ATP8B4: variants seen among roughly 807,000 people sequenced by gnomAD.
ATP8B4 encodes the protein ATPase phospholipid transporting 8B4 (putative).
ATP8B4 carries 133 observed loss-of-function variants against 145.6 expected under a neutral mutation model. That is an observed-to-expected ratio of 0.91 (90% CI 0.79 to 1.05). The LOEUF (loss-of-function observed/expected upper bound fraction) is 1.05, where lower values mean the gene tolerates loss of function less well. Among genes scored for constraint, ATP8B4 ranks in the 50% least tolerant of loss-of-function variants. The probability of loss-of-function intolerance (pLI) is 0.00; values close to 1 mark genes in which losing one functional copy is unlikely to be tolerated. For synonymous variants in ATP8B4, 507 were observed against 492.9 expected, an observed-to-expected ratio of 1.03 and a Z score of -0.38; for missense variants, 1,458 against 1,425.2, an observed-to-expected ratio of 1.02 and a Z score of -0.37.
At chr15:50,110,323 G>A (rs1025792838) in intron 1 of ATP8B4, among the ~76,000 whole-genome samples, 9 of 152,114 alleles carry the variant, frequency 5.9e-5, no homozygotes, top group Admixed American at 2.6e-4. Context: ...TATACTTTAC[G>A]GAGGACTCAT....
chr15:50,006,973 A>T (rs1168197512), intron 7 of ATP8B4, among the ~76,000 whole-genome samples: 1 of 151,858 alleles, frequency 6.6e-6, no homozygotes, highest in Non-Finnish European at 1.5e-5. Flanking sequence ...TGCAAGTCAG[A>T]CTCCTTGTGG....
rs530494562 is a variant in ATP8B4 at position 50,030,117 on chromosome 15, T to A, written c.362+8651A>T. ...TTTTAGCTTTCAGATTTTAAGATCC[T>A]AAGAAAACTTTATATTTTTAAAATT... On this transcript the variant is annotated intron_variant, in intron 6 of 27. Coordinates refer to ENST00000284509, the MANE Select transcript of ATP8B4 (RefSeq NM_024837.4). 1.6e-4 allele frequency among the ~76,000 whole-genome samples: 24 copies of A among 152,302 alleles called. No homozygotes were observed. The East Asian group carries it at 4.4e-3, about 28-fold the overall frequency.
intron 20 of ATP8B4, among the ~76,000 whole-genome samples, chr15:49,905,951 CAT>C (rs202139678): frequency 2.0e-5 from 3 of 148,930 alleles, no homozygotes; most frequent in African/African-American, 5.2e-5. Flanking sequence ...TATGTACCTA[CAT>C]ATATATACAC....
At chr15:50,119,778 T>G (rs2057246383), upstream of ATP8B4, among the ~76,000 whole-genome samples, 2 of 118,370 alleles carry the variant, frequency 1.7e-5, no homozygotes, top group South Asian at 5.4e-4. Flanking sequence ...TTTTTTTTTT[T>G]TACAGGGGAA....
At chr15:50,156,724 A>T (rs11853762) in intron 1 of ATP8B4, among the ~76,000 whole-genome samples, 100,461 of 152,054 alleles carry the variant, frequency 0.66, 33,514 homozygotes, top group East Asian at 0.94. Flanking sequence ...TAAATGTGCA[A>T]GAGAATGGAT....
chr15:50,151,622 A>G (rs1289919770), intron 1 of ATP8B4, among the ~76,000 whole-genome samples: 2 of 152,008 alleles, frequency 1.3e-5, no homozygotes, highest in Admixed American at 6.6e-5. Context: ...GTAGTGGCAC[A>G]TGCCTGTAGT....
chr15:50,030,714 A>G (rs2050369667), intron 6 of ATP8B4, among the ~76,000 whole-genome samples: 1 of 152,212 alleles, frequency 6.6e-6, no homozygotes, highest in Admixed American at 6.5e-5. Flanking sequence ...AAGAAGAGAA[A>G]AAGAGAACAG....
chr15:50,051,341 A>G (rs117753995), intron 3 of ATP8B4, among the ~76,000 whole-genome samples: 10,333 of 152,198 alleles, frequency 0.068, 404 homozygotes, highest in Non-Finnish European at 0.091. Context: ...TCTTTTCTTT[A>G]TAAGTTACCC....
rs183236846 is a variant in ATP8B4 at position 49,968,770 on chromosome 15, G to A, written c.1243+3812C>T. 7.7e-4 allele frequency among the ~76,000 whole-genome samples: 117 copies of A among 152,152 alleles called. 1 individual carries two copies. Among genetic ancestry groups the A allele is most frequent in the Middle Eastern group, 6.8e-3 (2 of 294 alleles). On this transcript the variant is annotated intron_variant, in intron 13 of 27. Transcript: ENST00000284509. ...ACTTGAACTCAACTCTGGACCAAGC[G>A]GACCTAATAGACATCTACAGAACTC...
intron 25 of ATP8B4, among the ~76,000 whole-genome samples, chr15:49,874,472 A>G (rs1205374117): frequency 6.6e-6 from 1 of 152,178 alleles, no homozygotes. Context: ...AGGGATGGCT[A>G]GGACCACTAT....
At chr15:49,992,897 C>T (rs12914620) in intron 9 of ATP8B4, among the ~76,000 whole-genome samples, 42,866 of 151,974 alleles carry the variant, frequency 0.28, 6,578 homozygotes, top group East Asian at 0.57. Flanking sequence ...CATTGCCAAA[C>T]ATATACAATG....
At chr15:49,907,100 AC>A (rs1186743588) in intron 20 of ATP8B4, among the ~76,000 whole-genome samples, 1 of 152,140 alleles carries the variant, frequency 6.6e-6, no homozygotes, top group Admixed American at 6.5e-5. Context: ...GCCAACAACA[AC>A]CCTAAGAGAG....
At chr15:49,927,532 A>T (rs963141143) in intron 16 of ATP8B4, among the ~76,000 whole-genome samples, 2 of 152,120 alleles carry the variant, frequency 1.3e-5, no homozygotes, top group Admixed American at 1.3e-4. Context: ...TAAATCCAGC[A>T]AACCTTCATG....
intron 26 of ATP8B4, 110 bp downstream of exon 26, chr15:49,866,236 G>A: frequency 7.0e-7 from 1 of 1,421,314 alleles, no homozygotes; most frequent in Non-Finnish European, 9.4e-7. Context: ...AACAATTTCT[G>A]GACAAAGGAT....
At chr15:49,987,670 A>G in intron 9 of ATP8B4, 121 bp from the exon 10 acceptor site, 1 of 1,016,340 alleles carries the variant, frequency 9.8e-7, no homozygotes, top group Non-Finnish European at 1.4e-6. Context: ...TTACATATAA[A>G]GAATTGTGCT....
chr15:49,931,390 T>G, intron 15 of ATP8B4, 83 bp from the exon 16 acceptor site: 1 of 1,308,106 alleles, frequency 7.6e-7, no homozygotes, highest in South Asian at 1.4e-5. Context: ...AACTCAGTAT[T>G]TAACACCCAA....
chr15:49,977,357 G>C (rs1249398048), intron 12 of ATP8B4, among the ~76,000 whole-genome samples: 1 of 151,944 alleles, frequency 6.6e-6, no homozygotes, highest in Non-Finnish European at 1.5e-5. Flanking sequence ...TATTTGGTAA[G>C]AGAAAAGCTC....
chr15:49,871,464 C>G (rs2033655025), intron 25 of ATP8B4, among the ~76,000 whole-genome samples: 1 of 152,104 alleles, frequency 6.6e-6, no homozygotes, highest in South Asian at 2.1e-4. Flanking sequence ...TAAAAGCAGC[C>G]CATAATATTT....
chr15:49,975,350 G>A (rs954452534), intron 12 of ATP8B4, among the ~76,000 whole-genome samples: 6 of 152,006 alleles, frequency 3.9e-5, no homozygotes, highest in Non-Finnish European at 7.4e-5. Flanking sequence ...TTGAATCTGT[G>A]GGGGATCCCT....
Sources: gnomAD v4.1 joint callset for allele counts (sites outside exome capture counted in the v4.1 genomes callset) on GRCh38, gnomAD v4.1.1 for gene constraint, MANE v1.5 for transcripts, NCBI Gene and HGNC (gene_info 2026-07-23, HGNC 2026-07-21) for gene names.